Variants in NHSL1 observed in about 807,000 individuals in gnomAD.
The protein encoded by NHSL1 is NHS-like protein 1.
Under a neutral mutation model 95.0 loss-of-function variants are expected in NHSL1, and 48 were observed. The observed-to-expected ratio is 0.51, with a 90% CI of 0.40 to 0.64. The LOEUF (loss-of-function observed/expected upper bound fraction) is 0.64, where lower values mean the gene tolerates loss of function less well. NHSL1 is among the 30% of genes least tolerant of loss of function. NHSL1 has a pLI of 0.00. For synonymous variants in NHSL1, 783 were observed against 833.9 expected, an observed-to-expected ratio of 0.94 and a Z score of 1.05; for missense variants, 1,971 against 2,077.7, an observed-to-expected ratio of 0.95 and a Z score of 1.00.
At chr6:138,457,609 T>C (rs1777702246) in intron 3 of NHSL1, among the ~76,000 whole-genome samples, 1 of 152,220 alleles carries the variant, frequency 6.6e-6, no homozygotes, top group Non-Finnish European at 1.5e-5. Context: ...AGTCAATAAT[T>C]TGTTAACTCA....
At chr6:138,672,623 C>T (rs886760668) in intron 1 of NHSL1, among the ~76,000 whole-genome samples, 3 of 152,222 alleles carry the variant, frequency 2.0e-5, no homozygotes, top group Non-Finnish European at 4.4e-5. Flanking sequence ...ATTCAGAACA[C>T]TTTCCACTTC....
At chr6:138,612,320 C>T (rs979473693) in intron 1 of NHSL1, among the ~76,000 whole-genome samples, 4 of 151,936 alleles carry the variant, frequency 2.6e-5, no homozygotes, top group African/African-American at 9.7e-5. Flanking sequence ...ACAAGAACTG[C>T]GTAATTTTAA....
upstream of NHSL1, among the ~76,000 whole-genome samples, chr6:138,692,803 C>T (rs1050581479): frequency 6.6e-6 from 1 of 150,916 alleles, no homozygotes; most frequent in Non-Finnish European, 1.5e-5. This position sits in a 1 kb window ranked among gnomAD's most constrained non-coding sequence, Gnocchi z 4.0. Flanking sequence ...CCTCAGTCTG[C>T]CTCCCGTCGG....
At chr6:138,513,810 C>G (rs1027980957) in intron 1 of NHSL1, among the ~76,000 whole-genome samples, 1 of 152,126 alleles carries the variant, frequency 6.6e-6, no homozygotes, top group African/African-American at 2.4e-5. Context: ...ATCACTACTA[C>G]TTGTAGTGAT....
chr6:138,498,813 G>A (rs1320751353), intron 1 of NHSL1, among the ~76,000 whole-genome samples: 6 of 152,056 alleles, frequency 3.9e-5, no homozygotes, highest in Admixed American at 3.9e-4. Context: ...TTACACAGAG[G>A]CTCCCTTACC....
At chr6:138,487,970 G>T (rs529050419) in intron 2 of NHSL1, among the ~76,000 whole-genome samples, 1 of 152,086 alleles carries the variant, frequency 6.6e-6, no homozygotes, top group Admixed American at 6.6e-5. Flanking sequence ...ATAAGTAATC[G>T]AAAGTTTCTT....
intron 1 of NHSL1, among the ~76,000 whole-genome samples, chr6:138,515,976 A>C (rs972996672): frequency 2.0e-5 from 3 of 152,230 alleles, no homozygotes; most frequent in African/African-American, 7.2e-5. Context: ...TGTCCAGTGC[A>C]CCACAATGAG....
intron 4 of NHSL1, among the ~76,000 whole-genome samples, chr6:138,443,972 C>G (rs546426631): frequency 6.6e-6 from 1 of 152,324 alleles, no homozygotes; most frequent in Admixed American, 6.5e-5. Flanking sequence ...TCATTGAAGG[C>G]ACCAAATGCT....
chr6:138,656,254 GT>G (rs1246473839), intron 1 of NHSL1, among the ~76,000 whole-genome samples: 1 of 152,076 alleles, frequency 6.6e-6, no homozygotes, highest in Non-Finnish European at 1.5e-5. Flanking sequence ...AAACTTACGA[GT>G]TTCTTTTACA....
rs142456572 is a variant in NHSL1, at chr6:138,579,863, T to C, written c.97-83492A>G. 1.9e-4 allele frequency among the ~76,000 whole-genome samples: 29 copies of C among 152,368 alleles called. No individual in the cohort carries two copies. In the East Asian group the frequency reaches 5.6e-3, roughly 29 times the overall value. ...TTTAAAACTATACTCACTATGGCTC[T>C]ATAGTGCTTACACCGAATATATCTG... On this transcript the variant is annotated intron_variant, in intron 1 of 3. Transcript: ENST00000491526.
rs1184820122 is a variant in NHSL1, at chr6:138,430,896, T to C, written c.3449A>G (p.His1150Arg). ...TPAKSSSQGD[H>R]GSAAERGGPV... ...GCCACCACGCTCAGCCGCACTGCCA[T>C]GGTCACCCTGACTCGAGCTCTTGGC... Residue 1150 changes from histidine to arginine, a missense_variant, in exon 6 of 8, where the codon CAT becomes CGT. Physicochemically the swap from His to Arg is conservative, Grantham distance 29. Coordinates refer to ENST00000343505, the MANE Select transcript of NHSL1 (RefSeq NM_001144060.2). The surrounding 1 kb of genome is among the most constrained non-coding windows in gnomAD (Gnocchi z 4.7). 3.9e-6 allele frequency: 6 copies of C among 1,551,514 alleles called. No homozygotes were observed. The South Asian group carries it at 4.8e-5, about 12-fold the overall frequency.
At chr6:138,487,439 G>C (rs1779795521) in intron 2 of NHSL1, among the ~76,000 whole-genome samples, 1 of 152,170 alleles carries the variant, frequency 6.6e-6, no homozygotes, top group Non-Finnish European at 1.5e-5. Context: ...ATTCATCTTT[G>C]ATTGCACTAT....
intron 1 of NHSL1, among the ~76,000 whole-genome samples, chr6:138,586,219 CA>C (rs1264768600): frequency 6.6e-6 from 1 of 151,908 alleles, no homozygotes; most frequent in Admixed American, 6.5e-5. Flanking sequence ...CTCATCCTCC[CA>C]AATAGCTGGA....
intron 1 of NHSL1, among the ~76,000 whole-genome samples, chr6:138,586,621 T>C (rs988214072): frequency 3.9e-5 from 6 of 152,204 alleles, no homozygotes; most frequent in Non-Finnish European, 8.8e-5. Context: ...CTAATTTACT[T>C]AACTAGGGTA....
intron 1 of NHSL1, among the ~76,000 whole-genome samples, chr6:138,602,451 C>G (rs1262048680): frequency 6.6e-6 from 1 of 152,140 alleles, no homozygotes; most frequent in East Asian, 1.9e-4. Context: ...AAGTTATTCT[C>G]CTGCCTCAGC....
At chr6:138,650,394 C>A (rs558068506) in intron 1 of NHSL1, 1 of 1,417,390 alleles carries the variant, frequency 7.1e-7, no homozygotes, top group African/African-American at 1.4e-5. Flanking sequence ...CATGAGGTCG[C>A]CGACTAGCAG....
chr6:138,504,542 G>A (rs1481925551), intron 1 of NHSL1, among the ~76,000 whole-genome samples: 1 of 152,208 alleles, frequency 6.6e-6, no homozygotes, highest in Non-Finnish European at 1.5e-5. Context: ...GAGATATGCT[G>A]AAACTTCGGT....
upstream of NHSL1, among the ~76,000 whole-genome samples, chr6:138,502,369 G>A (rs187562354): frequency 1.1e-4 from 17 of 152,048 alleles, no homozygotes; most frequent in East Asian, 3.9e-4. Flanking sequence ...TGGAAGAGCC[G>A]TATTCTTCTG....
At chr6:138,681,683 T>C (rs768147067) in intron 1 of NHSL1, among the ~76,000 whole-genome samples, 35 of 152,248 alleles carry the variant, frequency 2.3e-4, no homozygotes, top group Admixed American at 5.2e-4. Context: ...AATTGGATTA[T>C]GCATAACATA....
Sources: gnomAD v4.1 joint callset for allele counts (sites outside exome capture counted in the v4.1 genomes callset) on GRCh38, gnomAD v4.1.1 for gene constraint, Gnocchi (gnomAD v3.1) non-coding constraint, MANE v1.5 for transcripts, NCBI Gene and HGNC (gene_info 2026-07-23, HGNC 2026-07-21) for gene names.